POU2AF2: variants seen among roughly 807,000 people sequenced by gnomAD.
The protein encoded by POU2AF2 is POU domain class 2-associating factor 2.
the POU2AF2 span, chr11:111,284,459 G>A: frequency 2.8e-6 from 4 of 1,453,316 alleles, no homozygotes; most frequent in Non-Finnish European, 3.6e-6. Context: ...TTGGCATCCG[G>A]GTTGAAGCCA....
chr11:111,281,512 C>A, the POU2AF2 span: 1 of 1,516,724 alleles, frequency 6.6e-7, no homozygotes, highest in Non-Finnish European at 9.1e-7. Context: ...TCCATTCTTT[C>A]ATAACGACCT....
chr11:111,248,775 T>C, the POU2AF2 span, among the ~76,000 whole-genome samples: 2 of 152,210 alleles, frequency 1.3e-5, no homozygotes, highest in Non-Finnish European at 2.9e-5. Flanking sequence ...TCATCAAAAA[T>C]AGTAAAAATA....
the POU2AF2 span, among the ~76,000 whole-genome samples, chr11:111,249,672 G>A: frequency 9.2e-5 from 14 of 152,214 alleles, no homozygotes; most frequent in African/African-American, 2.2e-4. Context: ...TCTCTAAGGC[G>A]TTTCATTTAT....
At chr11:111,269,210 A>C in the POU2AF2 span, among the ~76,000 whole-genome samples, 1 of 75,592 alleles carries the variant, frequency 1.3e-5, no homozygotes, top group Admixed American at 1.7e-4. Flanking sequence ...AAAAAGAAAA[A>C]AAAAATCTTC....
chr11:111,264,913 AAG>A, the POU2AF2 span, among the ~76,000 whole-genome samples: 3 of 144,684 alleles, frequency 2.1e-5, no homozygotes, highest in Non-Finnish European at 4.6e-5. Flanking sequence ...AAGGAAAAGA[AAG>A]AGAAAGAAAG....
chr11:111,278,267 G>A, the POU2AF2 span, among the ~76,000 whole-genome samples: 1 of 152,182 alleles, frequency 6.6e-6, no homozygotes, highest in Non-Finnish European at 1.5e-5. Flanking sequence ...GTAGAGCTGG[G>A]ATTCAAATGT....
chr11:111,269,248 A>T, the POU2AF2 span, among the ~76,000 whole-genome samples: 1,006 of 152,310 alleles, frequency 6.6e-3, 12 homozygotes, highest in African/African-American at 0.023. Flanking sequence ...GTAAACTCAA[A>T]ACACCAATGT....
chr11:111,285,106 G>A, the POU2AF2 span, among the ~76,000 whole-genome samples: 4 of 152,128 alleles, frequency 2.6e-5, no homozygotes, highest in Admixed American at 2.0e-4. Flanking sequence ...GAGCAATGTC[G>A]GGCTCAGAGT....
chr11:111,252,080 A>T, the POU2AF2 span, among the ~76,000 whole-genome samples: 7 of 152,376 alleles, frequency 4.6e-5, no homozygotes, highest in Admixed American at 3.3e-4. Context: ...CACTTTAAAA[A>T]GCAAAGTAGA....
chr11:111,255,989 G>A, the POU2AF2 span: 1 of 399,224 alleles, frequency 2.5e-6, no homozygotes, highest in South Asian at 1.3e-4. Flanking sequence ...TAAGTCCCAG[G>A]AGACTACAGC....
chr11:111,275,314 G>T, the POU2AF2 span, among the ~76,000 whole-genome samples: 2 of 152,230 alleles, frequency 1.3e-5, no homozygotes, highest in East Asian at 3.8e-4. Context: ...AAAGCTGGGG[G>T]TAGGGGCAGA....
the POU2AF2 span, among the ~76,000 whole-genome samples, chr11:111,263,653 G>A: frequency 6.6e-6 from 1 of 151,874 alleles, no homozygotes; most frequent in Non-Finnish European, 1.5e-5. Flanking sequence ...GGCTGGTCTC[G>A]GACTCCTGAC....
At chr11:111,272,051 C>A in the POU2AF2 span, among the ~76,000 whole-genome samples, 6 of 152,192 alleles carry the variant, frequency 3.9e-5, no homozygotes, top group African/African-American at 1.4e-4. Context: ...GTTCCTGCAT[C>A]TTCCTCCAGC....
chr11:111,257,603 T>G, the POU2AF2 span, among the ~76,000 whole-genome samples: 1 of 151,938 alleles, frequency 6.6e-6, no homozygotes, highest in East Asian at 1.9e-4. Context: ...ATCAAACTCC[T>G]GACCTCATGA....
chr11:111,285,468 T>G, the POU2AF2 span, among the ~76,000 whole-genome samples: 1 of 151,760 alleles, frequency 6.6e-6, no homozygotes, highest in Non-Finnish European at 1.5e-5. Flanking sequence ...AATTCTAGAG[T>G]AGGAAGGGAG....
the POU2AF2 span, among the ~76,000 whole-genome samples, chr11:111,253,318 T>C: frequency 6.6e-6 from 1 of 152,204 alleles, no homozygotes; most frequent in South Asian, 2.1e-4. Context: ...TTTACCCCAG[T>C]ATGCCAGGTG....
At chr11:111,261,292 CAT>C in the POU2AF2 span, among the ~76,000 whole-genome samples, 24 of 80,606 alleles carry the variant, frequency 3.0e-4, no homozygotes, top group African/African-American at 6.6e-4. Context: ...CACACACACA[CAT>C]AATTAAGTTC....
At chr11:111,272,829 T>C in the POU2AF2 span, among the ~76,000 whole-genome samples, 1 of 152,168 alleles carries the variant, frequency 6.6e-6, no homozygotes, top group Non-Finnish European at 1.5e-5. Context: ...AACTTGCTTA[T>C]TATTCCCTGA....
At chr11:111,246,224 C>T in the POU2AF2 span, among the ~76,000 whole-genome samples, 5,017 of 152,250 alleles carry the variant, frequency 0.033, 135 homozygotes, top group South Asian at 0.078. Flanking sequence ...TCAGTAAGCT[C>T]TCAACTATAG....
Sources: gnomAD v4.1 joint callset for allele counts (sites outside exome capture counted in the v4.1 genomes callset) on GRCh38, gnomAD v4.1.1 for gene constraint, MANE v1.5 for transcripts, NCBI Gene and HGNC (gene_info 2026-07-23, HGNC 2026-07-21) for gene names.